Variants in FAM81B observed in about 807,000 individuals in gnomAD.
FAM81B encodes the protein family with sequence similarity 81 member B.
FAM81B carries 60 observed loss-of-function variants against 58.7 expected under a neutral mutation model. The observed-to-expected ratio is 1.02, with a 90% CI of 0.83 to 1.27. The LOEUF is 1.27. FAM81B is among the 50% of genes most tolerant of loss of function. The pLI is 0.00. For missense variants in FAM81B, 491 were observed against 522.0 expected (o/e 0.94, Z 0.58); for synonymous variants, 189 against 179.6 (o/e 1.05, Z -0.42).
intron 3 of FAM81B, among the ~76,000 whole-genome samples, chr5:95,397,978 G>A (rs1335936088): frequency 1.3e-5 from 2 of 152,098 alleles, no homozygotes; most frequent in African/African-American, 4.8e-5. Flanking sequence ...AGTAATGGTA[G>A]AACAATTGAA....
intron 5 of FAM81B, 56 bp downstream of exon 5, chr5:95,420,458 G>T (rs564076619): frequency 2.5e-6 from 4 of 1,603,902 alleles, no homozygotes; most frequent in East Asian, 4.5e-5. Flanking sequence ...CAGTGAATTC[G>T]CATTCCTAAA....
chr5:95,433,595 T>C (rs1744993299), intron 6 of FAM81B, among the ~76,000 whole-genome samples: 1 of 152,206 alleles, frequency 6.6e-6, no homozygotes, highest in South Asian at 2.1e-4. Context: ...GGTAAAAATT[T>C]TAATATATGT....
In FAM81B at chr5:95,413,979, C is replaced by T; in HGVS notation, c.326C>T (p.Thr109Ile). 1 of 1,613,994 alleles carries T rather than the reference C, an allele frequency of 6.2e-7. No homozygotes were observed. Among genetic ancestry groups the T allele is most frequent in the South Asian group, 1.1e-5 (1 of 91,044 alleles). ...GCTTTTCTCCCCATCATTCCAAACACCCAGAGAGGTCAGCTAGAAGACAGA... is the reference window on the plus strand; with the variant it reads ...GCTTTTCTCCCCATCATTCCAAACATCCAGAGAGGTCAGCTAGAAGACAGA... ...SHAFLPIIPN[T>I]QRGQLEDRLN... Residue 109 changes from threonine (T) to isoleucine (I), a missense_variant, in exon 4 of 10, where the codon ACC (threonine) becomes ATC (isoleucine). By Grantham distance (89) the Thr-to-Ile change is moderately conservative. Coordinates refer to ENST00000283357, the MANE Select transcript of FAM81B (RefSeq NM_152548.3).
At chr5:95,445,312 A>G (rs929377495) in intron 7 of FAM81B, among the ~76,000 whole-genome samples, 6 of 152,182 alleles carry the variant, frequency 3.9e-5, no homozygotes, top group African/African-American at 1.2e-4. Context: ...GTTCTTGCCA[A>G]TCTAACAGTT....
At chr5:95,420,916 A>G (rs1015122366) in intron 5 of FAM81B, among the ~76,000 whole-genome samples, 8 of 152,202 alleles carry the variant, frequency 5.3e-5, no homozygotes, top group Non-Finnish European at 1.0e-4. Flanking sequence ...AGACACATCA[A>G]AGATGACTTG....
intron 3 of FAM81B, chr5:95,396,661 T>C (rs1433243993): frequency 1.3e-5 from 2 of 152,820 alleles, no homozygotes; most frequent in Non-Finnish European, 2.9e-5. Context: ...CTCCAGGCAC[T>C]TGGAAATAGA....
chr5:95,409,937 C>T (rs567416038), intron 3 of FAM81B, among the ~76,000 whole-genome samples: 2 of 152,276 alleles, frequency 1.3e-5, no homozygotes, highest in African/African-American at 2.4e-5. Context: ...GCAAATACCA[C>T]CAGTAGTCAA....
At chr5:95,433,951 T>G (rs2152768137) in intron 6 of FAM81B, among the ~76,000 whole-genome samples, 1 of 152,332 alleles carries the variant, frequency 6.6e-6, no homozygotes, top group East Asian at 1.9e-4. Context: ...ACTTCACATG[T>G]AGAGTAGAAC....
chr5:95,434,724 T>C (rs1292699130), intron 6 of FAM81B, among the ~76,000 whole-genome samples: 4 of 152,236 alleles, frequency 2.6e-5, no homozygotes, highest in African/African-American at 7.2e-5. Context: ...ATGATTCACT[T>C]ACATTGCCTT....
chr5:95,399,864 C>G (rs1762061081), intron 3 of FAM81B, among the ~76,000 whole-genome samples: 1 of 152,140 alleles, frequency 6.6e-6, no homozygotes, highest in East Asian at 1.9e-4. Context: ...ACACCTTTCT[C>G]CTCTGAGAAA....
chr5:95,391,519 T>C lies in FAM81B; in HGVS notation c.124+6T>C. The C allele has an allele frequency of 6.2e-7, 1 of 1,609,120 alleles. No individual in the cohort carries two copies. The highest frequency in any genetic ancestry group is 8.5e-7 in the Non-Finnish European group (1 of 1,178,198). On this transcript the variant is annotated splice_donor_region_variant and intron_variant, in intron 1 of 9. Transcript: ENST00000283357. Reference sequence around the variant, plus strand: ...AGCAAGCATCATGAGTTCAGGTACTTATGGACTATTCGAGGTCTCTAAATT... The same window carrying C: ...AGCAAGCATCATGAGTTCAGGTACTCATGGACTATTCGAGGTCTCTAAATT...
intron 4 of FAM81B, among the ~76,000 whole-genome samples, chr5:95,417,342 CT>C (rs1352609057): frequency 3.9e-5 from 6 of 152,052 alleles, no homozygotes; most frequent in Non-Finnish European, 7.4e-5. Context: ...GTTGAATCCA[CT>C]TTTTTAAAGT....
chr5:95,427,782 C>T (rs977135891), intron 5 of FAM81B, among the ~76,000 whole-genome samples: 2 of 152,204 alleles, frequency 1.3e-5, no homozygotes, highest in African/African-American at 2.4e-5. Context: ...ACCTATCCTT[C>T]ATGCATATGT....
chr5:95,435,975 C>T (rs752907816), intron 6 of FAM81B, among the ~76,000 whole-genome samples: 2 of 152,164 alleles, frequency 1.3e-5, no homozygotes, highest in Non-Finnish European at 2.9e-5. Context: ...CTCTTTCTTT[C>T]ATAAGAACTC....
chr5:95,419,771 T>C (rs1243518185), intron 4 of FAM81B, among the ~76,000 whole-genome samples: 2 of 152,210 alleles, frequency 1.3e-5, no homozygotes, highest in Non-Finnish European at 2.9e-5. Context: ...CAGACTTGCT[T>C]GCGCTGTGTT....
In FAM81B at chr5:95,396,301, C is replaced by T. The variant is rs1761965553; in HGVS notation, c.293+126C>T. ...AGAGATGAATGTACCTGAATGAAAC[C>T]TTTAAGTTCTCTGCATTCAGAAGAG... On this transcript the variant is annotated intron_variant, in intron 3 of 9. Coordinates refer to ENST00000283357, the MANE Select transcript of FAM81B (RefSeq NM_152548.3). 6.1e-6 allele frequency: 4 copies of T among 654,328 alleles called. No homozygotes were observed. In the East Asian group the frequency reaches 8.6e-5, roughly 14 times the overall value. The allele number at this position is 654,328 out of a possible 1,614,324, so 40.5% of individuals were successfully genotyped here. A position where few individuals can be genotyped will look rare whatever the true frequency, so the allele number is the denominator to read the frequency against.
At chr5:95,406,482 C>T (rs552980071) in intron 3 of FAM81B, among the ~76,000 whole-genome samples, 19 of 152,312 alleles carry the variant, frequency 1.2e-4, no homozygotes, top group African/African-American at 4.6e-4. Flanking sequence ...GGCCTTTATA[C>T]CCACACACTG....
At chr5:95,434,738 C>CT (rs575965692) in intron 6 of FAM81B, among the ~76,000 whole-genome samples, 9 of 152,136 alleles carry the variant, frequency 5.9e-5, no homozygotes, top group Non-Finnish European at 1.3e-4. Flanking sequence ...TTGCCTTATT[C>CT]TTTCTTGTAT....
intron 5 of FAM81B, among the ~76,000 whole-genome samples, chr5:95,427,498 A>G (rs1447693766): frequency 6.6e-6 from 1 of 152,156 alleles, no homozygotes; most frequent in Non-Finnish European, 1.5e-5. Flanking sequence ...TTTTTAAAGA[A>G]ATGCTCAGGC....
Sources: gnomAD v4.1 joint callset for allele counts (sites outside exome capture counted in the v4.1 genomes callset) on GRCh38, gnomAD v4.1.1 for gene constraint, MANE v1.5 for transcripts, NCBI Gene and HGNC (gene_info 2026-07-23, HGNC 2026-07-21) for gene names.